The following ROCK1 variants were observed in gnomAD, a reference collection of about 807,000 sequenced individuals.
The protein encoded by ROCK1 is rho-associated protein kinase 1.
ROCK1 carries 36 observed loss-of-function variants against 196.8 expected under a neutral mutation model. The ratio of observed to expected loss-of-function variants is 0.18; its 90% confidence interval spans 0.14 to 0.24. The LOEUF is 0.24. Among genes scored for constraint, ROCK1 ranks in the 10% least tolerant of loss-of-function variants. The pLI is 1.00. For missense variants in ROCK1, 920 were observed against 1,562.0 expected, an observed-to-expected ratio of 0.59 and a Z score of 6.93; for synonymous variants, 443 against 515.9, an observed-to-expected ratio of 0.86 and a Z score of 1.91.
intron 10 of ROCK1, among the ~76,000 whole-genome samples, chr18:21,028,013 G>C (rs540961294): frequency 6.8e-5 from 10 of 146,950 alleles, no homozygotes; most frequent in African/African-American, 2.5e-4. Context: ...CGCCCGCCTC[G>C]GCCTCCCAAA....
chr18:21,038,444 T>C (rs2036076015), intron 9 of ROCK1, among the ~76,000 whole-genome samples: 3 of 152,148 alleles, frequency 2.0e-5, no homozygotes, highest in Non-Finnish European at 4.4e-5. Flanking sequence ...CTCAGCACAA[T>C]GTAAGTACTG....
At chr18:21,000,927 A>C (rs1450543785) in intron 16 of ROCK1, among the ~76,000 whole-genome samples, 1 of 152,206 alleles carries the variant, frequency 6.6e-6, no homozygotes, top group Non-Finnish European at 1.5e-5. Context: ...CTAAAGAATT[A>C]AAAACAGGTA....
intron 1 of ROCK1, among the ~76,000 whole-genome samples, chr18:21,109,121 C>A (rs938744054): frequency 6.6e-6 from 1 of 152,216 alleles, no homozygotes; most frequent in East Asian, 1.9e-4. Context: ...TTTCCAAGAA[C>A]ATACATTATC....
intron 13 of ROCK1, among the ~76,000 whole-genome samples, chr18:21,014,776 A>G (rs762994204): frequency 1.3e-5 from 2 of 152,240 alleles, no homozygotes; most frequent in Non-Finnish European, 2.9e-5. Flanking sequence ...ACTATCAGAG[A>G]TTAAACCTAA....
intron 9 of ROCK1, among the ~76,000 whole-genome samples, chr18:21,037,883 A>C (rs1376923970): frequency 6.6e-6 from 1 of 152,152 alleles, no homozygotes; most frequent in Non-Finnish European, 1.5e-5. Flanking sequence ...TTCAGTAAAT[A>C]GTTGTTGACT....
chr18:21,090,040 G>C (rs796907979), intron 1 of ROCK1, among the ~76,000 whole-genome samples: 8 of 152,182 alleles, frequency 5.3e-5, no homozygotes, highest in Admixed American at 5.2e-4. Context: ...AATGGTTTCT[G>C]AACTTTTTGC....
At chr18:20,989,411 C>CA (rs1170317132) in intron 18 of ROCK1, among the ~76,000 whole-genome samples, 1 of 152,074 alleles carries the variant, frequency 6.6e-6, no homozygotes, top group Non-Finnish European at 1.5e-5. Flanking sequence ...TTCTTTTGAG[C>CA]AAAAATAATT....
intron 8 of ROCK1, among the ~76,000 whole-genome samples, chr18:21,041,674 A>G (rs1484303537): frequency 6.6e-6 from 1 of 152,172 alleles, no homozygotes; most frequent in Non-Finnish European, 1.5e-5. Context: ...CAAATCTAAA[A>G]TGGTTTAAAG....
rs924913857 is a variant in ROCK1, at chr18:21,111,230, C to A, written c.-320G>T. ...GTGCTTCAGTCTAGCGGGCCCCGGC[C>A]GCCGTCGCCATGGAGGGGTCCCCGT... On this transcript the variant is annotated 5_prime_UTR_variant, in exon 1 of 33. Transcript: ENST00000399799. The surrounding 1 kb of genome is among the most constrained non-coding windows in gnomAD (Gnocchi z 4.2). 4 of 492,518 alleles carry A rather than the reference C, an allele frequency of 8.1e-6. No homozygotes were observed. The highest frequency in any genetic ancestry group is 8.1e-5 in the African/African-American group (4 of 49,688). The allele number at this position is 492,518 out of a possible 1,614,324, so 30.5% of individuals were successfully genotyped here.
chr18:21,026,854 G>A (rs996476110), intron 10 of ROCK1, among the ~76,000 whole-genome samples: 1 of 151,902 alleles, frequency 6.6e-6, no homozygotes, highest in Non-Finnish European at 1.5e-5. Context: ...GTAATTAAAA[G>A]TAGATTTAAC....
intron 1 of ROCK1, among the ~76,000 whole-genome samples, chr18:21,109,370 TATAACACCACTC>T (rs1268378186): frequency 6.6e-6 from 1 of 152,146 alleles, no homozygotes; most frequent in Non-Finnish European, 1.5e-5. Flanking sequence ...AAACCCTCCC[TATAACACCACTC>T]ATGTAATAAG....
At chr18:20,999,811 G>C (rs1258150513) in intron 16 of ROCK1, among the ~76,000 whole-genome samples, 3 of 152,126 alleles carry the variant, frequency 2.0e-5, no homozygotes, top group African/African-American at 7.2e-5. Flanking sequence ...ATTTTTTGTA[G>C]AGACAGGCTT....
intron 29 of ROCK1, among the ~76,000 whole-genome samples, chr18:20,957,450 A>T (rs2035253998): frequency 6.6e-6 from 1 of 152,126 alleles, no homozygotes; most frequent in African/African-American, 2.4e-5. Context: ...TAGAAATCAG[A>T]TCATGGGAAG....
intron 29 of ROCK1, among the ~76,000 whole-genome samples, chr18:20,956,866 A>C (rs1328704969): frequency 6.6e-6 from 1 of 152,218 alleles, no homozygotes; most frequent in Non-Finnish European, 1.5e-5. Context: ...AAACGGGCAA[A>C]AGACTTGAAA....
In ROCK1 at chr18:20,959,104, TATATATATA is replaced by T. The variant is rs1392075757; in HGVS notation, c.3512+727_3512+735del. 2.9e-3 allele frequency among the ~76,000 whole-genome samples: 54 copies of T among 18,804 alleles called. 1 individual carries two copies. The highest frequency in any genetic ancestry group is 0.071 in the Middle Eastern group (1 of 14). 12.3% of individuals were successfully genotyped at this position (18,804 alleles called of 152,430 possible). On this transcript the variant is annotated intron_variant, in intron 29 of 32. Coordinates refer to ENST00000399799, the MANE Select transcript of ROCK1 (RefSeq NM_005406.3). ...TATATATTTTATATAATATATATAT[TATATATATA>T]TTATATAATATATATATTATATATA... is the stretch of plus-strand genomic sequence containing the variant.
At chr18:21,110,143 A>C (rs1379156924) in intron 1 of ROCK1, among the ~76,000 whole-genome samples, 1 of 152,208 alleles carries the variant, frequency 6.6e-6, no homozygotes, top group African/African-American at 2.4e-5. Context: ...AATGTTTTAC[A>C]AGTGACAATG....
chr18:21,068,181 G>T (rs984509352), intron 2 of ROCK1, among the ~76,000 whole-genome samples: 1 of 152,162 alleles, frequency 6.6e-6, no homozygotes, highest in African/African-American at 2.4e-5. Flanking sequence ...TTTTCTTCTA[G>T]AAGTGTTATT....
intron 2 of ROCK1, among the ~76,000 whole-genome samples, chr18:21,063,751 T>C (rs1163925078): frequency 1.3e-5 from 2 of 152,128 alleles, no homozygotes; most frequent in African/African-American, 4.8e-5. Context: ...TTGTGATCAT[T>C]TAAATGAAAA....
chr18:20,994,116 GA>G (rs2035650135), intron 16 of ROCK1, among the ~76,000 whole-genome samples: 1 of 152,128 alleles, frequency 6.6e-6, no homozygotes, highest in Admixed American at 6.5e-5. Flanking sequence ...TCTAGATCTA[GA>G]AAACAATGAA....
Sources: gnomAD v4.1 joint callset for allele counts (sites outside exome capture counted in the v4.1 genomes callset) on GRCh38, gnomAD v4.1.1 for gene constraint, Gnocchi (gnomAD v3.1) non-coding constraint, MANE v1.5 for transcripts, NCBI Gene and HGNC (gene_info 2026-07-23, HGNC 2026-07-21) for gene names.